Variants in THSD7A observed in about 807,000 individuals in gnomAD.
The protein encoded by THSD7A is thrombospondin type 1 domain containing 7A.
In THSD7A, 96 loss-of-function variants were observed where a neutral mutation model predicts 231.3. That is an observed-to-expected ratio of 0.41 (90% confidence interval 0.35 to 0.49). THSD7A has a LOEUF of 0.49. Ranked by LOEUF, THSD7A falls within the 20% of genes least tolerant of loss-of-function variation. The probability of loss-of-function intolerance (pLI) is 0.05; values close to 1 mark genes in which losing one functional copy is unlikely to be tolerated. For synonymous variants in THSD7A, 940 were observed against 743.3 expected (o/e 1.26, Z -4.30); for missense variants, 2,290 against 2,070.2 (o/e 1.11, Z -2.06).
In THSD7A at chr7:11,636,924, G is replaced by T. The variant is rs113771015; in HGVS notation, c.228C>A (p.Pro76=). 1.0e-3 allele frequency: 1,644 copies of T among 1,612,290 alleles called. 23 individuals carry two copies. The highest frequency in any genetic ancestry group is 8.9e-3 in the East Asian group (399 of 44,836). Residue 76 remains proline, a synonymous_variant, in exon 2 of 28, where the codon CCC becomes CCA. Transcript: ENST00000423059. The surrounding 1 kb of genome is among the most constrained non-coding windows in gnomAD (Gnocchi z 10.0). The part of the protein sequence containing the change: ...WGRCMGDECG[P]GGIQTRAVWC... Reference sequence around the variant, plus strand: ...ACACAGCCCTCGTTTGGATGCCTCCGGGACCACATTCATCTCCCATACATC... The same window carrying T: ...ACACAGCCCTCGTTTGGATGCCTCCTGGACCACATTCATCTCCCATACATC...
intron 16 of THSD7A, among the ~76,000 whole-genome samples, chr7:11,420,399 G>A (rs193008714): frequency 4.6e-5 from 7 of 152,230 alleles, no homozygotes; most frequent in Non-Finnish European, 1.0e-4. Flanking sequence ...GTACAGCTCA[G>A]GCTATTGCAT....
chr7:11,562,946 A>G (rs991416814), intron 4 of THSD7A, among the ~76,000 whole-genome samples: 10 of 152,182 alleles, frequency 6.6e-5, no homozygotes, highest in Admixed American at 2.0e-4. Context: ...TTTAATTTCA[A>G]GAAGGTTCTA....
chr7:11,388,905 G>C (rs1190232103), intron 23 of THSD7A, among the ~76,000 whole-genome samples: 1 of 152,162 alleles, frequency 6.6e-6, no homozygotes. Context: ...TTTCCATGTA[G>C]TTGTGCAGTT....
At chr7:11,418,716 G>A (rs1316092835) in intron 16 of THSD7A, among the ~76,000 whole-genome samples, 1 of 152,068 alleles carries the variant, frequency 6.6e-6, no homozygotes, top group Non-Finnish European at 1.5e-5. Flanking sequence ...ACTTAGGAAT[G>A]TCCTTTCCCT....
At chr7:11,818,586 A>C (rs1784779647) in intron 1 of THSD7A, among the ~76,000 whole-genome samples, 1 of 152,136 alleles carries the variant, frequency 6.6e-6, no homozygotes, top group Non-Finnish European at 1.5e-5. Context: ...AGTTCAGAAA[A>C]ATGTTGCATC....
In THSD7A at chr7:11,598,888, C is replaced by T. The variant is rs545926466; in HGVS notation, c.1023-5386G>A. 3.3e-5 allele frequency among the ~76,000 whole-genome samples: 5 copies of T among 152,224 alleles called. No individual in the cohort carries two copies. The East Asian group carries it at 9.7e-4, about 30-fold the overall frequency. ...CCACCAGGAGACACAACAATGATTCCATTAAACTGGAAGTTAAGGTTGCTA... is the reference window on the plus strand; with the variant it reads ...CCACCAGGAGACACAACAATGATTCTATTAAACTGGAAGTTAAGGTTGCTA... On this transcript the variant is annotated intron_variant, in intron 2 of 27. Transcript: ENST00000423059.
intron 4 of THSD7A, among the ~76,000 whole-genome samples, chr7:11,567,285 A>G (rs12699235): frequency 0.28 from 41,820 of 152,038 alleles, 5,873 homozygotes; most frequent in African/African-American, 0.31. Flanking sequence ...GCAGCAGAAA[A>G]GACAAGTGCA....
chr7:11,781,994 TAATTGTACCCCTC>T (rs1184921663), intron 1 of THSD7A, among the ~76,000 whole-genome samples: 1 of 152,192 alleles, frequency 6.6e-6, no homozygotes, highest in African/African-American at 2.4e-5. Flanking sequence ...TCTCCAGATC[TAATTGTACCCCTC>T]CCCCTAAGTC....
intron 1 of THSD7A, among the ~76,000 whole-genome samples, chr7:11,764,288 T>C (rs1782957913): frequency 6.6e-6 from 1 of 152,010 alleles, no homozygotes. Context: ...AATAGATAAA[T>C]TTAAAAGTAA....
At chr7:11,379,866 G>C (rs1266994119) in intron 24 of THSD7A, 154 bp from the exon 25 acceptor site, 1 of 791,236 alleles carries the variant, frequency 1.3e-6, no homozygotes. Context: ...GGTTAACCTT[G>C]ACCACCTTAT....
At chr7:11,587,831 A>G (rs904667037) in intron 4 of THSD7A, among the ~76,000 whole-genome samples, 2 of 152,192 alleles carry the variant, frequency 1.3e-5, no homozygotes, top group East Asian at 1.9e-4. Flanking sequence ...GGAAGTTTAC[A>G]TAAATTTCAT....
intron 1 of THSD7A, among the ~76,000 whole-genome samples, chr7:11,817,663 A>C (rs776094881): frequency 6.6e-6 from 1 of 152,234 alleles, no homozygotes; most frequent in Non-Finnish European, 1.5e-5. Flanking sequence ...ACATTTACTG[A>C]GCAGTTACTT....
chr7:11,648,626 C>A (rs1251758889), intron 1 of THSD7A, among the ~76,000 whole-genome samples: 3 of 86,102 alleles, frequency 3.5e-5, no homozygotes, highest in Non-Finnish European at 8.2e-5. Context: ...TTGTCAGGAT[C>A]TATTTTGTGG....
chr7:11,522,624 T>C (rs1203219804), intron 6 of THSD7A, among the ~76,000 whole-genome samples: 2 of 152,052 alleles, frequency 1.3e-5, no homozygotes, highest in Admixed American at 6.6e-5. Flanking sequence ...TCACTAATTA[T>C]AAAAGGTAAA....
chr7:11,508,297 G>A (rs1014243716), intron 6 of THSD7A, among the ~76,000 whole-genome samples: 7 of 152,058 alleles, frequency 4.6e-5, no homozygotes, highest in East Asian at 3.8e-4. Flanking sequence ...GAAATACAGC[G>A]AGCCAACAAG....
In THSD7A at chr7:11,505,954, G is replaced by A. The variant is rs190606236; in HGVS notation, c.1823-23972C>T. Among the ~76,000 whole-genome samples, 50 of 152,294 alleles carry A rather than the reference G, an allele frequency of 3.3e-4. 1 individual carries two copies. Among genetic ancestry groups the A allele is most frequent in the Admixed American group, 2.9e-3 (44 of 15,294 alleles). On this transcript the variant is annotated intron_variant, in intron 6 of 27. Transcript: ENST00000423059. ...TAAGAGTGCTTTGCAAAGAGCACCT[G>A]TTTTTGAAAGCACTTCTGAAGCAAA...
chr7:11,571,546 G>T (rs2128334697), intron 4 of THSD7A, among the ~76,000 whole-genome samples: 1 of 152,270 alleles, frequency 6.6e-6, no homozygotes, highest in Admixed American at 6.5e-5. Context: ...TTCTAAAGAA[G>T]TTAAGTAACC....
At chr7:11,726,906 TG>T (rs1184393917) in intron 1 of THSD7A, among the ~76,000 whole-genome samples, 1 of 151,942 alleles carries the variant, frequency 6.6e-6, no homozygotes, top group Non-Finnish European at 1.5e-5. Flanking sequence ...CCTCAGGTCC[TG>T]GCCCAGTCTC....
Position 11,632,570 on chromosome 7 carries a change from C to A in THSD7A, c.1022+3560G>T, listed in dbSNP as rs1362918818. Among the ~76,000 whole-genome samples, 1 of 152,102 alleles carries A rather than the reference C, an allele frequency of 6.6e-6. No homozygotes were observed. The highest frequency in any genetic ancestry group is 1.9e-4 in the East Asian group (1 of 5,186). On this transcript the variant is annotated intron_variant, in intron 2 of 27. Coordinates refer to ENST00000423059, the MANE Select transcript of THSD7A (RefSeq NM_015204.3). This position sits in a 1 kb window ranked among gnomAD's most constrained non-coding sequence, Gnocchi z 4.1. ...CTTGCTTTCTAATTTTCATTTCCTT[C>A]TCTTTTCAGGTACATTGACTGGTAC...
Sources: gnomAD v4.1 joint callset for allele counts (sites outside exome capture counted in the v4.1 genomes callset) on GRCh38, gnomAD v4.1.1 for gene constraint, Gnocchi (gnomAD v3.1) non-coding constraint, MANE v1.5 for transcripts, NCBI Gene and HGNC (gene_info 2026-07-23, HGNC 2026-07-21) for gene names.